FHIT: variants seen among roughly 807,000 people sequenced by gnomAD.
FHIT encodes the protein bis(5'-adenosyl)-triphosphatase.
Under a neutral mutation model 17.9 loss-of-function variants are expected in FHIT, and 19 were observed. The observed-to-expected ratio is 1.06, with a 90% CI of 0.74 to 1.56. FHIT has a LOEUF of 1.56. Among genes scored for constraint, FHIT ranks in the 40% most tolerant of loss-of-function variants. The pLI is 0.00. For synonymous variants in FHIT, 81 were observed against 69.7 expected (o/e 1.16, Z -0.81); for missense variants, 248 against 189.2 (o/e 1.31, Z -1.82).
At chr3:60,879,075 A>G (rs1704829800) in intron 3 of FHIT, among the ~76,000 whole-genome samples, 1 of 152,232 alleles carries the variant, frequency 6.6e-6, no homozygotes, top group Non-Finnish European at 1.5e-5. Flanking sequence ...ACTGACTTCC[A>G]CAATGGTTGA....
chr3:59,797,086 T>C (rs1699806481), intron 8 of FHIT, among the ~76,000 whole-genome samples: 1 of 152,176 alleles, frequency 6.6e-6, no homozygotes, highest in Non-Finnish European at 1.5e-5. Context: ...ACACTATTTT[T>C]GGAAATCATC....
At chr3:60,076,295 T>C (rs968439829) in intron 5 of FHIT, among the ~76,000 whole-genome samples, 7 of 152,044 alleles carry the variant, frequency 4.6e-5, no homozygotes, top group African/African-American at 1.7e-4. Flanking sequence ...AAACATCAAG[T>C]GTCGTAAATA....
Position 60,114,071 on chromosome 3 carries a change from AT to A in FHIT, c.104-99920del, listed in dbSNP as rs1445208753. ...TATATATATATATATATATATATAT[AT>A]AATGTTATATGTATCTTACCACAAT... On this transcript the variant is annotated intron_variant, in intron 5 of 9. Transcript: ENST00000492590. 4.1e-3 allele frequency among the ~76,000 whole-genome samples: 433 copies of A among 106,576 alleles called. 18 individuals are homozygous for A. Among genetic ancestry groups the A allele is most frequent in the African/African-American group, 0.015 (394 of 26,228 alleles). 69.9% of individuals were successfully genotyped at this position (106,576 alleles called of 152,430 possible). A position where few individuals can be genotyped will look rare whatever the true frequency, so the allele number is the denominator to read the frequency against.
chr3:60,364,995 T>C (rs918905922), intron 5 of FHIT, among the ~76,000 whole-genome samples: 71 of 151,984 alleles, frequency 4.7e-4, no homozygotes, highest in African/African-American at 1.3e-3. Flanking sequence ...CTCGGCCTCC[T>C]TAAGTACATG....
intron 7 of FHIT, among the ~76,000 whole-genome samples, chr3:59,989,331 C>G (rs1207148127): frequency 6.6e-6 from 1 of 151,924 alleles, no homozygotes; most frequent in Non-Finnish European, 1.5e-5. Flanking sequence ...GCTGACTTCC[C>G]CCACACATTA....
At chr3:61,025,028 C>T (rs948559802) in intron 3 of FHIT, among the ~76,000 whole-genome samples, 1 of 139,058 alleles carries the variant, frequency 7.2e-6, no homozygotes, top group South Asian at 2.2e-4. Context: ...CACCTTCTCT[C>T]CACTCTCCAT....
intron 3 of FHIT, among the ~76,000 whole-genome samples, chr3:60,993,615 ACT>A (rs1328429534): frequency 3.3e-5 from 5 of 152,224 alleles, no homozygotes; most frequent in South Asian, 2.1e-4. Flanking sequence ...TCATATCCTA[ACT>A]CTCTCCATTA....
chr3:59,789,218 G>C (rs1430807621), intron 8 of FHIT, among the ~76,000 whole-genome samples: 1 of 152,140 alleles, frequency 6.6e-6, no homozygotes, highest in Non-Finnish European at 1.5e-5. Context: ...ATTTCATTCT[G>C]CACAATTAAT....
intron 4 of FHIT, among the ~76,000 whole-genome samples, chr3:60,567,121 T>G (rs1411907051): frequency 6.6e-6 from 1 of 151,786 alleles, no homozygotes; most frequent in African/African-American, 2.4e-5. Context: ...TTAAAGTTCT[T>G]ATGGAACCAA....
intron 3 of FHIT, among the ~76,000 whole-genome samples, chr3:60,908,117 T>C (rs1282180738): frequency 2.0e-5 from 3 of 152,238 alleles, no homozygotes; most frequent in Non-Finnish European, 4.4e-5. Flanking sequence ...GTGTGCCTAA[T>C]GCAGAATTCT....
At chr3:60,661,059 ATTTTTT>A (rs1201716787) in intron 4 of FHIT, among the ~76,000 whole-genome samples, 1 of 151,188 alleles carries the variant, frequency 6.6e-6, no homozygotes, top group East Asian at 1.9e-4. Context: ...TTTTATTTTT[ATTTTTT>A]ATTTCTATAG....
chr3:60,955,611 T>TATATACATATATATATATACAC (rs1553778525), intron 3 of FHIT, among the ~76,000 whole-genome samples: 2 of 16,896 alleles, frequency 1.2e-4, no homozygotes, highest in African/African-American at 2.5e-4. Flanking sequence ...TATATATATA[T>TATATACATATATATATATACAC]ATATATATAT....
chr3:60,622,707 G>A (rs2107755919), intron 4 of FHIT, among the ~76,000 whole-genome samples: 1 of 152,222 alleles, frequency 6.6e-6, no homozygotes, highest in South Asian at 2.1e-4. Context: ...TTCACTTTGG[G>A]GTTTTTTGGT....
chr3:60,856,312 T>G (rs1553749983), intron 3 of FHIT: 1 of 152,118 alleles, frequency 6.6e-6, no homozygotes, highest in African/African-American at 2.4e-5. Context: ...GCAATAACCC[T>G]ACTCCAAGGC....
intron 5 of FHIT, among the ~76,000 whole-genome samples, chr3:60,396,390 AG>A (rs1309178720): frequency 3.9e-5 from 6 of 152,174 alleles, no homozygotes; most frequent in Non-Finnish European, 7.4e-5. Flanking sequence ...AGTGACAAAA[AG>A]GAAAATCTTT....
At chr3:60,365,862 T>C (rs1373164006) in intron 5 of FHIT, among the ~76,000 whole-genome samples, 1 of 152,136 alleles carries the variant, frequency 6.6e-6, no homozygotes, top group African/African-American at 2.4e-5. Context: ...CTCATGAAAA[T>C]ACGTAACAAC....
chr3:60,721,394 G>A (rs1404055684), intron 4 of FHIT, among the ~76,000 whole-genome samples: 1 of 149,192 alleles, frequency 6.7e-6, no homozygotes, highest in African/African-American at 2.5e-5. Context: ...CTCTTTTAAG[G>A]GTTTCACACA....
chr3:59,834,189 C>A (rs1701260750), intron 8 of FHIT, among the ~76,000 whole-genome samples: 1 of 152,108 alleles, frequency 6.6e-6, no homozygotes, highest in Admixed American at 6.6e-5. Flanking sequence ...AATTCAAGTC[C>A]TAGTTTGTTC....
At chr3:60,884,922 A>T (rs114547442) in intron 3 of FHIT, among the ~76,000 whole-genome samples, 1 of 151,698 alleles carries the variant, frequency 6.6e-6, no homozygotes, top group Non-Finnish European at 1.5e-5. Flanking sequence ...AAAAAAAAAA[A>T]AAGAAGAAGA....
Sources: gnomAD v4.1 joint callset for allele counts (sites outside exome capture counted in the v4.1 genomes callset) on GRCh38, gnomAD v4.1.1 for gene constraint, MANE v1.5 for transcripts, NCBI Gene and HGNC (gene_info 2026-07-23, HGNC 2026-07-21) for gene names.